Variants in CDK6 observed in about 807,000 individuals in gnomAD.
The protein encoded by CDK6 is cyclin-dependent kinase 6.
CDK6 carries 6 observed loss-of-function variants against 37.1 expected under a neutral mutation model. The observed-to-expected ratio is 0.16, with a 90% CI of 0.09 to 0.32. The LOEUF (loss-of-function observed/expected upper bound fraction) is 0.32. Among genes scored for constraint, CDK6 ranks in the 10% least tolerant of loss-of-function variants. The pLI, the probability that CDK6 is intolerant of heterozygous loss-of-function variation, is 1.00. For missense variants in CDK6, 224 were observed against 418.9 expected (o/e 0.53, Z 4.06); for synonymous variants, 160 against 161.3 (o/e 0.99, Z 0.06).
chr7:92,678,135 T>C (rs1797249043), intron 4 of CDK6, among the ~76,000 whole-genome samples: 1 of 152,244 alleles, frequency 6.6e-6, no homozygotes, highest in African/African-American at 2.4e-5. Flanking sequence ...CCAGAAGTTC[T>C]GTTTAATAAT....
At chr7:92,763,421 T>C (rs945387925) in intron 3 of CDK6, among the ~76,000 whole-genome samples, 10 of 152,226 alleles carry the variant, frequency 6.6e-5, no homozygotes, top group African/African-American at 2.4e-4. Flanking sequence ...CATTAGTGTA[T>C]ATGAAACAAA....
rs569511071 is a variant in CDK6 at position 92,661,620 on chromosome 7, G to A, written c.647+9806C>T. ...TATTTACTATTCATTAAGAGGAAGT[G>A]GATCATCATAAGGGTTTTCATCTTT... On this transcript the variant is annotated intron_variant, in intron 5 of 7. Coordinates refer to ENST00000424848, the MANE Select transcript of CDK6 (RefSeq NM_001145306.2). 8.5e-5 allele frequency among the ~76,000 whole-genome samples: 13 copies of A among 152,264 alleles called. No homozygotes were observed. In the South Asian group the frequency reaches 2.7e-3, roughly 32 times the overall value.
chr7:92,732,607 T>C (rs1255596331), intron 3 of CDK6, among the ~76,000 whole-genome samples: 3 of 148,738 alleles, frequency 2.0e-5, no homozygotes, highest in Non-Finnish European at 4.5e-5. Flanking sequence ...TTGTGTGATA[T>C]AGAAGATACT....
intron 4 of CDK6, among the ~76,000 whole-genome samples, chr7:92,696,168 T>A (rs1797714061): frequency 6.6e-6 from 1 of 152,168 alleles, no homozygotes; most frequent in African/African-American, 2.4e-5. Context: ...AGCATCCAAT[T>A]TATGCAGAAA....
chr7:92,628,839 C>A (rs951075479), intron 5 of CDK6, among the ~76,000 whole-genome samples: 1 of 152,044 alleles, frequency 6.6e-6, no homozygotes, highest in Non-Finnish European at 1.5e-5. Context: ...CAAAACCTTG[C>A]GAAAACCTTC....
intron 3 of CDK6, among the ~76,000 whole-genome samples, chr7:92,750,379 G>A (rs1482613365): frequency 1.3e-5 from 2 of 152,120 alleles, no homozygotes; most frequent in Non-Finnish European, 2.9e-5. Context: ...GTGTATAAGT[G>A]ATACCTTCAG....
chr7:92,613,873 G>A lies in CDK6; in HGVS notation c.*1267C>T, dbSNP rs1795615212. On this transcript the variant is annotated 3_prime_UTR_variant, in exon 8 of 8. Coordinates refer to ENST00000424848, the MANE Select transcript of CDK6 (RefSeq NM_001145306.2). ...CATATGTGACCCTGTTAGGTTTGCA[G>A]AATCGAGGCCATAAACCATAAGCTG... is the stretch of plus-strand genomic sequence containing the variant. 4.3e-6 allele frequency: 1 copy of A among 233,240 alleles called. No individual in the cohort carries two copies. 14.4% of individuals were successfully genotyped at this position (233,240 alleles called of 1,614,324 possible).
chr7:92,773,589 A>G (rs1799772896), intron 3 of CDK6, among the ~76,000 whole-genome samples: 1 of 152,234 alleles, frequency 6.6e-6, no homozygotes, highest in Non-Finnish European at 1.5e-5. Context: ...AGAACAGGTA[A>G]CTATCAGGCA....
At chr7:92,778,870 C>G (rs1159076956) in intron 2 of CDK6, among the ~76,000 whole-genome samples, 1 of 147,348 alleles carries the variant, frequency 6.8e-6, no homozygotes, top group Non-Finnish European at 1.5e-5. Context: ...TTACCACTAC[C>G]TGGAATCAAT....
chr7:92,682,081 G>A (rs949905190), intron 4 of CDK6, among the ~76,000 whole-genome samples: 6 of 151,872 alleles, frequency 4.0e-5, no homozygotes, highest in Middle Eastern at 3.4e-3. Context: ...CAATTCCATC[G>A]AGAGCATGTC....
intron 2 of CDK6, among the ~76,000 whole-genome samples, chr7:92,803,507 C>T (rs1759119698): frequency 6.6e-6 from 1 of 152,144 alleles, no homozygotes; most frequent in Admixed American, 6.6e-5. Context: ...ATGAACCAGG[C>T]TGGTTGGAGA....
intron 4 of CDK6, among the ~76,000 whole-genome samples, chr7:92,698,171 C>A (rs1286720354): frequency 2.0e-5 from 3 of 152,180 alleles, no homozygotes; most frequent in African/African-American, 7.2e-5. Context: ...TCTGAAGCAG[C>A]TTCTATGAAC....
rs1795451434 is a variant in CDK6, at chr7:92,607,332, T to TA, written c.*7807dup. 4.3e-6 allele frequency: 1 copy of TA among 233,472 alleles called. No individual in the cohort carries two copies. Among genetic ancestry groups the TA allele is most frequent in the Non-Finnish European group, 8.5e-6 (1 of 118,040 alleles). The allele number at this position is 233,472 out of a possible 1,614,324, so 14.5% of individuals were successfully genotyped here. A position where few individuals can be genotyped will look rare whatever the true frequency, so the allele number is the denominator to read the frequency against. ...TCCGAGGGCCACCTGGCACAGTTTC[T>TA]AAATTAAGGCATATCTAAAATGCTT... On this transcript the variant is annotated 3_prime_UTR_variant, in exon 8 of 8. Transcript: ENST00000424848.
intron 2 of CDK6, among the ~76,000 whole-genome samples, chr7:92,784,245 A>G (rs1173614701): frequency 1.3e-5 from 2 of 152,232 alleles, no homozygotes; most frequent in African/African-American, 4.8e-5. Context: ...CAAGAGAAAG[A>G]TAACAGCTAA....
At chr7:92,754,955 T>C (rs372791097) in intron 3 of CDK6, among the ~76,000 whole-genome samples, 188 of 152,178 alleles carry the variant, frequency 1.2e-3, no homozygotes, top group African/African-American at 4.4e-3. Flanking sequence ...TTACCAACAA[T>C]TAACAGAGTC....
At chr7:92,733,826 C>T (rs1798709144) in intron 3 of CDK6, among the ~76,000 whole-genome samples, 1 of 151,978 alleles carries the variant, frequency 6.6e-6, no homozygotes, top group Admixed American at 6.6e-5. Flanking sequence ...TCTCTTTCCA[C>T]TCTTTATAAA....
Position 92,609,233 on chromosome 7 carries a change from C to T in CDK6, c.*5907G>A, listed in dbSNP as rs1253525419. ...GCTGTGCTAAGGAAACTGAAAAATA[C>T]TGCAATATCCTTCCCTACTAAATTT... On this transcript the variant is annotated 3_prime_UTR_variant, in exon 8 of 8. Transcript: ENST00000424848. 8.6e-6 allele frequency: 2 copies of T among 232,724 alleles called. No individual in the cohort carries two copies. The highest frequency in any genetic ancestry group is 4.4e-5 in the African/African-American group (2 of 45,292). 14.4% of individuals were successfully genotyped at this position (232,724 alleles called of 1,614,324 possible).
chr7:92,696,091 A>G (rs1479915206), intron 4 of CDK6, among the ~76,000 whole-genome samples: 1 of 152,210 alleles, frequency 6.6e-6, no homozygotes, highest in African/African-American at 2.4e-5. Flanking sequence ...GCTTTAGGCA[A>G]TGGACTCAAG....
Position 92,836,469 on chromosome 7 carries a change from G to C in CDK6, c.-368+9C>G, listed in dbSNP as rs1055798074. The C allele has an allele frequency of 3.3e-5, 5 of 150,770 alleles. No individual in the cohort carries two copies. Among genetic ancestry groups the C allele is most frequent in the African/African-American group, 1.2e-4 (5 of 41,112 alleles). The allele number at this position is 150,770 out of a possible 1,614,324, so 9.3% of individuals were successfully genotyped here. ...CGCAGCCCACCCACCCGAGCGCACAGCTCCTCACCTGAGGGGCCCAGTCGC... is the reference window on the plus strand; with the variant it reads ...CGCAGCCCACCCACCCGAGCGCACACCTCCTCACCTGAGGGGCCCAGTCGC... On this transcript the variant is annotated intron_variant, in intron 1 of 7. Transcript: ENST00000424848.
Sources: allele counts gnomAD v4.1 joint callset (sites outside exome capture counted in the v4.1 genomes callset), GRCh38; gene constraint gnomAD v4.1.1; transcripts MANE v1.5; gene names NCBI Gene and HGNC (gene_info 2026-07-23, HGNC 2026-07-21).